Variants in PROCA1 observed in about 807,000 individuals in gnomAD.
PROCA1 encodes the protein protein PROCA1.
Under a neutral mutation model 23.2 loss-of-function variants are expected in PROCA1, and 22 were observed. The ratio of observed to expected loss-of-function variants is 0.95; its 90% CI spans 0.68 to 1.35. PROCA1 has a LOEUF of 1.35. PROCA1 is among the 40% of genes most tolerant of loss of function. The probability of loss-of-function intolerance (pLI) is 0.00; values close to 1 mark genes in which losing one functional copy is unlikely to be tolerated. For synonymous variants in PROCA1, 182 were observed against 179.2 expected, an observed-to-expected ratio of 1.02 and a Z score of -0.12; for missense variants, 469 against 459.8, an observed-to-expected ratio of 1.02 and a Z score of -0.18.
chr17:28,705,708 C>G (rs2032440144), intron 2 of PROCA1: 1 of 152,748 alleles, frequency 6.5e-6, no homozygotes, highest in African/African-American at 2.4e-5. Flanking sequence ...ACTGCCTCAC[C>G]TCTGACACTG....
chr17:28,709,615 G>C (rs1216082819), intron 1 of PROCA1, among the ~76,000 whole-genome samples: 1 of 151,682 alleles, frequency 6.6e-6, no homozygotes, highest in Non-Finnish European at 1.5e-5. Context: ...AGGTTGCAGT[G>C]AGCTGAGAGA....
Position 28,704,115 on chromosome 17 carries a change from C to T in PROCA1, c.538G>A (p.Glu180Lys). ...DDLNEEEEEE[E>K]EESKPPIPTQ... Reference sequence around the variant, plus strand: ...GGGATGGGGGGCTTGCTTTCCTCCTCCTCCTCTTCCTCTTCTTCATTTAGA... The same window carrying T: ...GGGATGGGGGGCTTGCTTTCCTCCTTCTCCTCTTCCTCTTCTTCATTTAGA... Residue 180 changes from glutamate (E) to lysine (K), a missense_variant, in exon 5 of 5, where the codon GAG becomes AAG. Physicochemically the swap from Glu to Lys is moderately conservative, Grantham distance 56. Coordinates refer to ENST00000682792, the MANE Select transcript of PROCA1 (RefSeq NM_001366301.1). 1 of 1,572,690 alleles carries T rather than the reference C, an allele frequency of 6.4e-7. No homozygotes were observed. Among genetic ancestry groups the T allele is most frequent in the Non-Finnish European group, 8.6e-7 (1 of 1,164,978 alleles).
At position 28,706,514 on chromosome 17, in the gene PROCA1, A is replaced by C. The variant is rs1357459305; in HGVS notation, c.175+166T>G. On this transcript the variant is annotated intron_variant, in intron 2 of 4. Coordinates refer to ENST00000682792, the MANE Select transcript of PROCA1 (RefSeq NM_001366301.1). ...AACGAATGGGGTGATTGCGGCCTTG[A>C]GAAAGGGGTCCCCTCTGGCATCTGT... 4.3e-5 allele frequency: 15 copies of C among 347,796 alleles called. No individual in the cohort carries two copies. In the East Asian group the frequency reaches 6.8e-4, roughly 16 times the overall value. 21.5% of individuals were successfully genotyped at this position (347,796 alleles called of 1,614,324 possible).
In PROCA1 at chr17:28,703,660, T is replaced by G. The variant is rs1248597964; in HGVS notation, c.993A>C (p.Arg331Ser). The G allele has an allele frequency of 6.2e-7, 1 of 1,614,222 alleles. No individual in the cohort carries two copies. The highest frequency in any genetic ancestry group is 2.2e-5 in the East Asian group (1 of 44,876). Residue 331 changes from arginine (R) to serine (S), a missense_variant, in exon 5 of 5, where the codon AGA becomes AGC. Transcript: ENST00000682792. ...TCTTTTTGGCCTGGACTGTGTTCTC[T>G]CTCTTCCTGGGCGATGATGATTCCA... ...DIVESSSPRK[R>S]ENTVQAKKTG...
At chr17:28,704,250 TG>T (rs1191722285) in intron 4 of PROCA1, 38 bp from the exon 5 acceptor site, 1 of 1,569,760 alleles carries the variant, frequency 6.4e-7, no homozygotes. Flanking sequence ...TGACAGAGAG[TG>T]GGGGGCAGTG....
chr17:28,708,465 G>A (rs2032625767), intron 1 of PROCA1, among the ~76,000 whole-genome samples: 2 of 152,100 alleles, frequency 1.3e-5, no homozygotes, highest in South Asian at 4.1e-4. Context: ...TTAAATTGGT[G>A]ATTACAAGAG....
intron 2 of PROCA1, chr17:28,705,615 GA>G: frequency 6.5e-6 from 1 of 153,002 alleles, no homozygotes; most frequent in Non-Finnish European, 1.5e-5. Context: ...TGGGGTTAGG[GA>G]AAAGCCCTGG....
intron 1 of PROCA1, chr17:28,711,022 T>C: frequency 4.9e-6 from 3 of 617,768 alleles, no homozygotes; most frequent in Non-Finnish European, 6.4e-6. Context: ...GGGAAGAAAC[T>C]AGGAGAGGAA....
rs557817689 is a variant in PROCA1, at chr17:28,708,731, G to GAA, written c.92-1970_92-1969dup. On this transcript the variant is annotated intron_variant, in intron 1 of 4. Transcript: ENST00000682792. ...GCGAGACCCCGTTCTCCAGAAAAAGGAAAAAAAAAAAAAAACGACATTTTG... is the reference window on the plus strand; with the variant it reads ...GCGAGACCCCGTTCTCCAGAAAAAGGAAAAAAAAAAAAAAAAACGACATTTTG... 5.5e-4 allele frequency among the ~76,000 whole-genome samples: 56 copies of GAA among 100,996 alleles called. 1 individual carries two copies. Among genetic ancestry groups the GAA allele is most frequent in the African/African-American group, 1.8e-3 (49 of 26,786 alleles). The allele number at this position is 100,996 out of a possible 152,430, so 66.3% of individuals were successfully genotyped here.
At chr17:28,711,438 C>CCAGCACTGGGCCCCGCCT in intron 1 of PROCA1, 132 bp downstream of exon 1, 1 of 769,380 alleles carries the variant, frequency 1.3e-6, no homozygotes, top group Non-Finnish European at 2.0e-6. Context: ...CCGCCCCGGC[C>CCAGCACTGGGCCCCGCCT]CAGCACTGGG....
At chr17:28,709,576 C>T (rs1235808788) in intron 1 of PROCA1, among the ~76,000 whole-genome samples, 1 of 150,788 alleles carries the variant, frequency 6.6e-6, no homozygotes. Flanking sequence ...CTTAAAACCA[C>T]ATTCTGCTTG....
In PROCA1 at chr17:28,711,699, C is replaced by T. The variant is rs773663064; in HGVS notation, c.-39G>A. The T allele has an allele frequency of 3.8e-6, 6 of 1,580,566 alleles. No homozygotes were observed. Among genetic ancestry groups the T allele is most frequent in the Middle Eastern group, 1.7e-4 (1 of 5,990 alleles). ...GGTCTTCGTCTCTACAGGACTCTTG[C>T]GTGAAGTCCAACCCTGAGCCTCAGC... On this transcript the variant is annotated 5_prime_UTR_variant, in exon 1 of 5. Transcript: ENST00000682792.
At chr17:28,709,532 G>A (rs1436721432) in intron 1 of PROCA1, among the ~76,000 whole-genome samples, 1 of 151,942 alleles carries the variant, frequency 6.6e-6, no homozygotes, top group Non-Finnish European at 1.5e-5. Context: ...TGGGATTACA[G>A]GCGTGAGCCA....
chr17:28,710,780 G>A, intron 1 of PROCA1: 1 of 1,303,472 alleles, frequency 7.7e-7, no homozygotes, highest in Non-Finnish European at 1.0e-6. Flanking sequence ...AATGAATGAG[G>A]AGGGTGATAG....
Position 28,704,055 on chromosome 17 carries a change from G to C in PROCA1, c.598C>G (p.Leu200Val), listed in dbSNP as rs1567712254. 6.2e-7 allele frequency: 1 copy of C among 1,605,354 alleles called. No individual in the cohort carries two copies. The highest frequency in any genetic ancestry group is 8.5e-7 in the Non-Finnish European group (1 of 1,177,124). The change falls in exon 5 of 5, where the codon CTA becomes GTA. Residue 200 changes from leucine to valine, a missense_variant. Coordinates refer to ENST00000682792, the MANE Select transcript of PROCA1 (RefSeq NM_001366301.1). The stretch of plus-strand genomic sequence containing the variant: ...GTACCAGTGGCCATGCTGGTGCCTA[G>C]GTCAGGGGAGGCGGTGGCGGGCCCC... ...QVGPATASPD[L>V]GTSMATGTPD...
Position 28,704,407 on chromosome 17 carries a change from T to G in PROCA1, c.340A>C (p.Ser114Arg). The G allele has an allele frequency of 6.2e-7, 1 of 1,613,736 alleles. No homozygotes were observed. Among genetic ancestry groups the G allele is most frequent in the Non-Finnish European group, 8.5e-7 (1 of 1,179,992 alleles). Residue 114 changes from serine (S) to arginine (R), a missense_variant, in exon 4 of 5, where the codon AGC (serine) becomes CGC (arginine). Coordinates refer to ENST00000682792, the MANE Select transcript of PROCA1 (RefSeq NM_001366301.1). ...CAGGTTGGGCCCGCGCCCCGGGAGC[T>G]GCTGCTATCCTCTGAAGAGTCCTTC... ...RLKDSSEDSS[S>R]SRGAGPTCSH... is the part of the protein sequence containing the mutation.
At chr17:28,710,644 AC>A (rs1440251623) in intron 1 of PROCA1, among the ~76,000 whole-genome samples, 1 of 151,974 alleles carries the variant, frequency 6.6e-6, no homozygotes, top group African/African-American at 2.4e-5. Context: ...AAAGGGGGAG[AC>A]GAATTTAGTA....
intron 1 of PROCA1, 177 bp from the exon 2 acceptor site, chr17:28,706,940 T>TGGGGGGGGGGGGGGGGGGGGGGGG (rs1567716248): frequency 5.2e-3 from 1 of 194 alleles, no homozygotes; most frequent in Non-Finnish European, 9.8e-3. Flanking sequence ...GGTGGGGCTA[T>TGGGGGGGGGGGGGGGGGGGGGGGG]GAGGGGGAGG....
At chr17:28,706,881 G>C (rs2032504928) in intron 1 of PROCA1, 118 bp from the exon 2 acceptor site, 1 of 755,150 alleles carries the variant, frequency 1.3e-6, no homozygotes, top group Non-Finnish European at 1.8e-6. Flanking sequence ...GAGATGCAGA[G>C]ATTAAACAAC....
Sources: gnomAD v4.1 joint callset for allele counts (sites outside exome capture counted in the v4.1 genomes callset) on GRCh38, gnomAD v4.1.1 for gene constraint, MANE v1.5 for transcripts, NCBI Gene and HGNC (gene_info 2026-07-23, HGNC 2026-07-21) for gene names.